Variants in MROH7 observed in about 807,000 individuals in gnomAD.
The protein encoded by MROH7 is maestro heat-like repeat-containing protein family member 7.
MROH7 carries 113 observed loss-of-function variants against 129.2 expected under a neutral mutation model. The ratio of observed to expected loss-of-function variants is 0.87; its 90% confidence interval spans 0.75 to 1.02. The LOEUF is 1.02. Among genes scored for constraint, MROH7 ranks in the 50% least tolerant of loss-of-function variants. The probability of loss-of-function intolerance (pLI) is 0.00; values close to 1 mark genes in which losing one functional copy is unlikely to be tolerated. For synonymous variants in MROH7, 655 were observed against 667.9 expected, an observed-to-expected ratio of 0.98 and a Z score of 0.30; for missense variants, 1,601 against 1,671.3, an observed-to-expected ratio of 0.96 and a Z score of 0.73.
intron 3 of MROH7, among the ~76,000 whole-genome samples, chr1:54,658,104 C>T: frequency 6.6e-6 from 1 of 152,204 alleles, no homozygotes; most frequent in East Asian, 1.9e-4. Flanking sequence ...TTCCCATTTT[C>T]CAGTCCCCCA....
chr1:54,698,522 C>G (rs1169781746), intron 17 of MROH7: 1 of 153,194 alleles, frequency 6.5e-6, no homozygotes, highest in African/African-American at 2.4e-5. Context: ...AGCTCTGCCT[C>G]CCCAGCTCTT....
chr1:54,683,933 A>G (rs940095650), intron 14 of MROH7, among the ~76,000 whole-genome samples: 11 of 152,240 alleles, frequency 7.2e-5, no homozygotes, highest in African/African-American at 2.7e-4. Flanking sequence ...AGTTTACACC[A>G]GTTGTCATTT....
chr1:54,686,185 C>G, intron 14 of MROH7, 73 bp from the exon 15 acceptor site: 1 of 1,376,986 alleles, frequency 7.3e-7, no homozygotes, highest in Non-Finnish European at 9.9e-7. Context: ...CCCAGAGAGG[C>G]AGTCCAGGCC....
In MROH7 at chr1:54,673,719, A is replaced by G. The variant is rs1380296549; in HGVS notation, c.1714A>G (p.Asn572Asp). The change falls in exon 9 of 24, where the codon AAC (asparagine) becomes GAC (aspartate). Residue 572 changes from asparagine to aspartate, a missense_variant. Physicochemically the swap from Asn to Asp is conservative, Grantham distance 23. Coordinates refer to ENST00000421030, the MANE Select transcript of MROH7 (RefSeq NM_001039464.4). ...CCCACAGGCCCTGGGGCCTTGGATGAACTCTGGGAAGGCCCATGAGCGAGC... is the reference window on the plus strand; with the variant it reads ...CCCACAGGCCCTGGGGCCTTGGATGGACTCTGGGAAGGCCCATGAGCGAGC... Reference protein sequence around the residue: ...SILEALGPWMNSGKAHERARA... With the variant: ...SILEALGPWMDSGKAHERARA... 1.9e-6 allele frequency: 3 copies of G among 1,614,056 alleles called. No homozygotes were observed. The highest frequency in any genetic ancestry group is 2.5e-6 in the Non-Finnish European group (3 of 1,179,930).
chr1:54,709,441 C>T lies in MROH7; in HGVS notation c.3730+365C>T, dbSNP rs183340654. 5.0e-3 allele frequency among the ~76,000 whole-genome samples: 761 copies of T among 152,206 alleles called. 12 individuals are homozygous for T. The highest frequency in any genetic ancestry group is 0.018 in the African/African-American group (731 of 41,500). ...CCATGTTGGCCAGGCTGGTCTCGAA[C>T]TCCTGACCTCAAGTGATCCGCCCGC... is the stretch of plus-strand genomic sequence containing the variant. On this transcript the variant is annotated intron_variant, in intron 23 of 23. Transcript: ENST00000421030.
At chr1:54,692,818 A>G (rs1388190182) in intron 16 of MROH7, among the ~76,000 whole-genome samples, 2 of 152,228 alleles carry the variant, frequency 1.3e-5, no homozygotes, top group South Asian at 4.1e-4. Flanking sequence ...TCCTTAGTGC[A>G]TTATGAATTT....
At chr1:54,659,125 A>AG (rs1644692908) in intron 3 of MROH7, 2 of 433,050 alleles carry the variant, frequency 4.6e-6, no homozygotes, top group Non-Finnish European at 9.1e-6. Context: ...ATGGAGTTTC[A>AG]CTCTTGTTGC....
At chr1:54,685,537 C>T (rs958917774) in intron 14 of MROH7, among the ~76,000 whole-genome samples, 3 of 152,152 alleles carry the variant, frequency 2.0e-5, no homozygotes, top group Admixed American at 6.5e-5. Flanking sequence ...TCCCCACCCC[C>T]TAGTATTGCC....
intron 4 of MROH7, among the ~76,000 whole-genome samples, chr1:54,667,602 CAT>C (rs1439158559): frequency 1.3e-5 from 2 of 151,916 alleles, no homozygotes; most frequent in African/African-American, 4.8e-5. Flanking sequence ...ATTACAGGCA[CAT>C]GCCACCATGC....
Position 54,670,849 on chromosome 1 carries a change from G to A in MROH7, c.1519G>A (p.Val507Met), listed in dbSNP as rs754525302. 1.1e-5 allele frequency: 17 copies of A among 1,613,810 alleles called. No homozygotes were observed. The highest frequency in any genetic ancestry group is 6.7e-5 in the African/African-American group (5 of 74,918). ...GCGGGAGAGGTCGGAGCTGGTGAAC[G>A]TGTGTGTGCACAGCGTGTTCTCCCT... ...GMRERSELVN[V>M]CVHSVFSLPS... Residue 507 changes from valine to methionine, a missense_variant, in exon 7 of 24, where the codon GTG becomes ATG. Val to Met is a conservative substitution (Grantham distance 21, BLOSUM62 1). Transcript: ENST00000421030.
chr1:54,680,671 G>C (rs1456254443), intron 13 of MROH7, among the ~76,000 whole-genome samples: 2 of 152,208 alleles, frequency 1.3e-5, no homozygotes, highest in African/African-American at 4.8e-5. Flanking sequence ...CTCGTGGGCA[G>C]GAGAGGTCAG....
intron 3 of MROH7, among the ~76,000 whole-genome samples, chr1:54,661,126 T>C (rs1405345425): frequency 6.6e-6 from 1 of 152,128 alleles, no homozygotes; most frequent in Non-Finnish European, 1.5e-5. Context: ...AATTCAGATA[T>C]GAGTTCTTTG....
intron 3 of MROH7, among the ~76,000 whole-genome samples, chr1:54,655,876 C>T (rs939727038): frequency 1.3e-5 from 2 of 149,714 alleles, no homozygotes; most frequent in African/African-American, 4.9e-5. Context: ...TTGGGCTAAT[C>T]GTAGATACTT....
At chr1:54,705,960 C>A (rs1645526879) in intron 21 of MROH7, among the ~76,000 whole-genome samples, 1 of 152,188 alleles carries the variant, frequency 6.6e-6, no homozygotes, top group Non-Finnish European at 1.5e-5. Flanking sequence ...CTATTTTACC[C>A]AAAACGTGGC....
intron 3 of MROH7, among the ~76,000 whole-genome samples, chr1:54,663,588 G>A (rs1465274127): frequency 6.6e-6 from 1 of 151,696 alleles, no homozygotes; most frequent in Non-Finnish European, 1.5e-5. Context: ...TGTCCAGGCT[G>A]GTCTCAAACT....
At chr1:54,671,878 C>G (rs1644908919) in intron 7 of MROH7, among the ~76,000 whole-genome samples, 1 of 151,930 alleles carries the variant, frequency 6.6e-6, no homozygotes, top group Admixed American at 6.5e-5. Context: ...ATCATAAATG[C>G]TGCAAGCCAG....
Position 54,695,397 on chromosome 1 carries a change from C to A in MROH7, c.2871C>A (p.Cys957Ter). 1.9e-6 allele frequency: 3 copies of A among 1,612,628 alleles called. No homozygotes were observed. Among genetic ancestry groups the A allele is most frequent in the Non-Finnish European group, 2.5e-6 (3 of 1,179,224 alleles). Reference sequence around the variant, plus strand: ...CCAGGGCCATGGTGCAGTACTCCTGCCAGGAGCTGTGCCGCATCCTCTACC... The same window carrying A: ...CCAGGGCCATGGTGCAGTACTCCTGACAGGAGCTGTGCCGCATCCTCTACC... The part of the protein sequence containing the change: ...LLARAMVQYS[C>*]QELCRILYLL... The change falls in exon 17 of 24, where the codon TGC (cysteine) becomes TGA (stop). Residue 957 changes from cysteine to a stop codon, truncating the protein, a stop_gained. Coordinates refer to ENST00000421030, the MANE Select transcript of MROH7 (RefSeq NM_001039464.4). LOFTEE classifies it high-confidence loss of function.
chr1:54,676,790 A>T (rs1304696190), intron 10 of MROH7, among the ~76,000 whole-genome samples: 1 of 139,430 alleles, frequency 7.2e-6, no homozygotes, highest in Non-Finnish European at 1.6e-5. Context: ...CTCACTGCAA[A>T]CTCCACCTCC....
chr1:54,674,712 G>A (rs1644955056), intron 10 of MROH7, among the ~76,000 whole-genome samples: 1 of 152,154 alleles, frequency 6.6e-6, no homozygotes, highest in Non-Finnish European at 1.5e-5. Flanking sequence ...ATGTGGTATG[G>A]GCTGACACAG....
Sources: allele counts gnomAD v4.1 joint callset (sites outside exome capture counted in the v4.1 genomes callset), GRCh38; gene constraint gnomAD v4.1.1; transcripts MANE v1.5; gene names NCBI Gene and HGNC (gene_info 2026-07-23, HGNC 2026-07-21).